Variants in NDST4 observed in about 807,000 individuals in gnomAD.
NDST4 encodes N-heparan sulfate sulfotransferase 4.
Under a neutral mutation model 100.8 loss-of-function variants are expected in NDST4, and 63 were observed. That is an observed-to-expected ratio of 0.62 (90% CI 0.51 to 0.77). The LOEUF (loss-of-function observed/expected upper bound fraction) is 0.77, where lower values mean the gene tolerates loss of function less well. Ranked by LOEUF, NDST4 falls within the 30% of genes least tolerant of loss-of-function variation. The pLI is 0.00. For missense variants in NDST4, 943 were observed against 1,018.4 expected, an observed-to-expected ratio of 0.93 and a Z score of 1.01; for synonymous variants, 377 against 361.8, an observed-to-expected ratio of 1.04 and a Z score of -0.48.
intron 2 of NDST4, among the ~76,000 whole-genome samples, chr4:115,015,418 C>T (rs187777595): frequency 3.9e-5 from 6 of 152,140 alleles, no homozygotes; most frequent in Admixed American, 3.9e-4. Context: ...AACATTTCAT[C>T]TAGTTGTTCA....
At position 114,985,307 on chromosome 4, in the gene NDST4, G is replaced by T. The variant is rs189292996; in HGVS notation, c.979-8033C>A. On this transcript the variant is annotated intron_variant, in intron 2 of 13. Transcript: ENST00000264363. ...TTCTTTTTTGGTCTGTCTCCAGGAA[G>T]ACAGGAATCTAAAAGCTCACTCTCT... 7.4e-3 allele frequency among the ~76,000 whole-genome samples: 1,128 copies of T among 152,206 alleles called. 15 individuals carry two copies. The highest frequency in any genetic ancestry group is 0.017 in the Middle Eastern group (5 of 294).
At chr4:114,908,789 T>G (rs1725005259) in intron 6 of NDST4, among the ~76,000 whole-genome samples, 1 of 152,192 alleles carries the variant, frequency 6.6e-6, no homozygotes, top group Admixed American at 6.5e-5. Flanking sequence ...GATGAATTAA[T>G]GTTAACTAAG....
At chr4:115,031,649 G>A (rs1728118462) in intron 2 of NDST4, among the ~76,000 whole-genome samples, 1 of 152,070 alleles carries the variant, frequency 6.6e-6, no homozygotes, top group South Asian at 2.1e-4. Flanking sequence ...GTAGTTTAAA[G>A]TATGCAAGCT....
At chr4:114,981,933 G>C (rs1055367713) in intron 2 of NDST4, among the ~76,000 whole-genome samples, 1 of 152,040 alleles carries the variant, frequency 6.6e-6, no homozygotes, top group Admixed American at 6.6e-5. Flanking sequence ...TTCTGAGGGT[G>C]GTTTCTAAAG....
chr4:115,084,662 T>C (rs1004190240), intron 1 of NDST4, among the ~76,000 whole-genome samples: 2 of 152,214 alleles, frequency 1.3e-5, no homozygotes, highest in African/African-American at 4.8e-5. Context: ...GACTGTTGTT[T>C]CAGAGGGTGC....
intron 6 of NDST4, among the ~76,000 whole-genome samples, chr4:114,881,338 T>A (rs748362576): frequency 6.6e-6 from 1 of 152,032 alleles, no homozygotes; most frequent in Admixed American, 6.6e-5. Flanking sequence ...ATGATCTGTG[T>A]TTGATTTGAC....
At chr4:114,985,955 T>G (rs1726890993) in intron 2 of NDST4, among the ~76,000 whole-genome samples, 1 of 152,124 alleles carries the variant, frequency 6.6e-6, no homozygotes, top group Non-Finnish European at 1.5e-5. Context: ...AGGAAAGAAC[T>G]TAGCGTCGTT....
At position 114,970,232 on chromosome 4, in the gene NDST4, A is replaced by G. The variant is rs571398526; in HGVS notation, c.1221+198T>C. Among the ~76,000 whole-genome samples the G allele has an allele frequency of 1.2e-3, 188 of 152,022 alleles. 2 individuals carry two copies. Among genetic ancestry groups the G allele is most frequent in the African/African-American group, 4.4e-3 (182 of 41,294 alleles). Reference sequence around the variant, plus strand: ...TTTGAAATATATTTTCTATATAATTACATAATGGTCCTTTACATATACACA... The same window carrying G: ...TTTGAAATATATTTTCTATATAATTGCATAATGGTCCTTTACATATACACA... On this transcript the variant is annotated intron_variant, in intron 4 of 13. Transcript: ENST00000264363.
At chr4:114,855,655 C>T (rs1723777537) in intron 7 of NDST4, among the ~76,000 whole-genome samples, 2 of 152,090 alleles carry the variant, frequency 1.3e-5, no homozygotes, top group Admixed American at 6.6e-5. Flanking sequence ...ATGCCAATAC[C>T]ATGCATTTTG....
chr4:115,007,165 T>C (rs562022087), intron 2 of NDST4, among the ~76,000 whole-genome samples: 1 of 152,250 alleles, frequency 6.6e-6, no homozygotes, highest in South Asian at 2.1e-4. Context: ...TAACACTACA[T>C]GTAAATAATT....
chr4:115,042,419 C>T (rs1038958119), intron 2 of NDST4, among the ~76,000 whole-genome samples: 1 of 152,040 alleles, frequency 6.6e-6, no homozygotes, highest in Non-Finnish European at 1.5e-5. Flanking sequence ...CTCGCTTTGC[C>T]TTATCACATA....
At position 114,870,799 on chromosome 4, in the gene NDST4, A is replaced by G. The variant is rs1384356305; in HGVS notation, c.1688T>C (p.Leu563Pro). Residue 563 changes from leucine (L) to proline (P), a missense_variant, in exon 7 of 14, where the codon CTC becomes CCC. This residue lies in a region of NDST4 where 526 missense variants were observed against 634.1 expected (regional missense o/e 0.83). Coordinates refer to ENST00000264363, the MANE Select transcript of NDST4 (RefSeq NM_022569.3). ...TAGAGGGTCTTTCTGCTCAGGGAAGAGCTCAAAATACTGGTGGGCCAGTTG... is the reference window on the plus strand; with the variant it reads ...TAGAGGGTCTTTCTGCTCAGGGAAGGGCTCAAAATACTGGTGGGCCAGTTG... ...PVQLAHQYFE[L>P]FPEQKDPLWQ... is the part of the protein sequence containing the mutation. 1.2e-6 allele frequency: 2 copies of G among 1,612,544 alleles called. No individual in the cohort carries two copies. Among genetic ancestry groups the G allele is most frequent in the Admixed American group, 1.7e-5 (1 of 59,814 alleles).
intron 1 of NDST4, among the ~76,000 whole-genome samples, chr4:115,097,126 C>G (rs1167237767): frequency 2.0e-5 from 3 of 151,974 alleles, no homozygotes; most frequent in Non-Finnish European, 4.4e-5. Flanking sequence ...CTATTCTTTA[C>G]TCTTCTACTC....
intron 6 of NDST4, among the ~76,000 whole-genome samples, chr4:114,906,823 C>T (rs1724959908): frequency 1.3e-5 from 2 of 151,998 alleles, no homozygotes; most frequent in Non-Finnish European, 2.9e-5. Context: ...CTAGATCCAG[C>T]TCTTCTGAAG....
chr4:114,830,618 TGTAAGA>T (rs1236825624), intron 12 of NDST4, among the ~76,000 whole-genome samples: 3 of 152,172 alleles, frequency 2.0e-5, no homozygotes, highest in Non-Finnish European at 2.9e-5. Context: ...AAGTCAAATA[TGTAAGA>T]ATTTTTGTTT....
intron 4 of NDST4, 139 bp downstream of exon 4, chr4:114,970,291 T>TG: frequency 4.5e-6 from 3 of 662,378 alleles, no homozygotes; most frequent in Non-Finnish European, 7.3e-6. Context: ...AAGTTATATG[T>TG]ACCCTCAATA....
intron 8 of NDST4, among the ~76,000 whole-genome samples, chr4:114,850,993 C>A (rs1723664883): frequency 6.6e-6 from 1 of 152,178 alleles, no homozygotes; most frequent in African/African-American, 2.4e-5. Context: ...TTTCAGCCCA[C>A]AGGAATCTCT....
Position 114,870,827 on chromosome 4 carries a change from C to T in NDST4, c.1660G>A (p.Val554Met). ...TCAAAATACTGGTGGGCCAGTTGCA[C>T]TGGAGGCAGAGTTTGCAATTTCAGG... Reference protein sequence around the residue: ...TNLKLQTLPPVQLAHQYFELF... With the variant: ...TNLKLQTLPPMQLAHQYFELF... The change falls in exon 7 of 14, where the codon GTG becomes ATG. Residue 554 changes from valine (V) to methionine (M), a missense_variant. Physicochemically the swap from Val to Met is conservative, Grantham distance 21 (BLOSUM62 1). Coordinates refer to ENST00000264363, the MANE Select transcript of NDST4 (RefSeq NM_022569.3). The T allele has an allele frequency of 6.2e-7, 1 of 1,613,094 alleles. No homozygotes were observed. Among genetic ancestry groups the T allele is most frequent in the Non-Finnish European group, 8.5e-7 (1 of 1,179,388 alleles).
At chr4:115,086,651 A>T (rs1419094596) in intron 1 of NDST4, among the ~76,000 whole-genome samples, 1 of 152,076 alleles carries the variant, frequency 6.6e-6, no homozygotes, top group African/African-American at 2.4e-5. Flanking sequence ...TATGAAGTCA[A>T]CTCAGTAAAT....
Sources: allele counts gnomAD v4.1 joint callset (sites outside exome capture counted in the v4.1 genomes callset), GRCh38; gene constraint gnomAD v4.1.1; regional missense constraint gnomAD v4.1.1; transcripts MANE v1.5; gene names NCBI Gene and HGNC (gene_info 2026-07-23, HGNC 2026-07-21).